The following SLC25A24 variants were observed in gnomAD, a reference collection of about 807,000 sequenced individuals.
SLC25A24 encodes mitochondrial adenyl nucleotide antiporter SLC25A24.
Under a neutral mutation model 60.7 loss-of-function variants are expected in SLC25A24, and 49 were observed. That is an observed-to-expected ratio of 0.81 (90% CI 0.64 to 1.02). The LOEUF is 1.02. Ranked by LOEUF, SLC25A24 falls within the 50% of genes least tolerant of loss-of-function variation. The probability of loss-of-function intolerance (pLI) is 0.00; values close to 1 mark genes in which losing one functional copy is unlikely to be tolerated. For synonymous variants in SLC25A24, 202 were observed against 200.6 expected (o/e 1.01, Z -0.06); for missense variants, 564 against 586.3 (o/e 0.96, Z 0.39).
chr1:108,199,989 G>A lies in SLC25A24; in HGVS notation c.150C>T (p.Asn50=). Residue 50 remains asparagine, a synonymous_variant, in exon 1 of 10, where the codon AAC becomes AAT. Transcript: ENST00000565488. ...DIGELQEGLR[N]LGIPLGQDAE... Reference sequence around the variant, plus strand: ...CGTCCTGGCCCAGAGGGATGCCCAGGTTCCTGAGCCCCTCCTGCAGCTCGC... The same window carrying A: ...CGTCCTGGCCCAGAGGGATGCCCAGATTCCTGAGCCCCTCCTGCAGCTCGC... 3 of 1,611,078 alleles carry A rather than the reference G, an allele frequency of 1.9e-6. No individual in the cohort carries two copies. The highest frequency in any genetic ancestry group is 1.3e-5 in the African/African-American group (1 of 75,020).
chr1:108,139,457 C>T (rs74579777), intron 8 of SLC25A24, among the ~76,000 whole-genome samples: 3,106 of 152,248 alleles, frequency 0.02, 102 homozygotes, highest in African/African-American at 0.063. Context: ...GCGCAGCAAA[C>T]GCTGCAGGAT....
At chr1:108,153,153 A>C (rs1679801326) in intron 6 of SLC25A24, among the ~76,000 whole-genome samples, 1 of 152,180 alleles carries the variant, frequency 6.6e-6, no homozygotes, top group Non-Finnish European at 1.5e-5. Flanking sequence ...ATGGCAGCTG[A>C]AACCACAAGA....
intron 6 of SLC25A24, among the ~76,000 whole-genome samples, chr1:108,153,410 G>C (rs192395848): frequency 6.6e-6 from 1 of 152,216 alleles, no homozygotes; most frequent in East Asian, 1.9e-4. Flanking sequence ...TATTTACCCC[G>C]AAGTAATTTA....
At chr1:108,190,077 A>C (rs1396178592) in intron 1 of SLC25A24, among the ~76,000 whole-genome samples, 1 of 151,968 alleles carries the variant, frequency 6.6e-6, no homozygotes, top group Non-Finnish European at 1.5e-5. Context: ...GAAAAGTAAA[A>C]TCTACTTGGC....
intron 2 of SLC25A24, among the ~76,000 whole-genome samples, chr1:108,182,603 C>T (rs1327916235): frequency 6.6e-6 from 1 of 152,046 alleles, no homozygotes; most frequent in Non-Finnish European, 1.5e-5. Context: ...GAGGCTGAGG[C>T]GGGTGGTTCA....
chr1:108,180,353 A>T (rs1647871084), intron 3 of SLC25A24, among the ~76,000 whole-genome samples: 1 of 151,776 alleles, frequency 6.6e-6, no homozygotes, highest in African/African-American at 2.4e-5. Flanking sequence ...CAACAGAGCT[A>T]GACTCCATCT....
chr1:108,197,957 G>A (rs528837950), intron 1 of SLC25A24, among the ~76,000 whole-genome samples: 3 of 152,292 alleles, frequency 2.0e-5, no homozygotes, highest in Admixed American at 1.3e-4. Context: ...TCTCTCTCAT[G>A]AGACTGAATT....
Position 108,166,446 on chromosome 1 carries a change from T to A in SLC25A24, c.399-5153A>T, listed in dbSNP as rs540190911. On this transcript the variant is annotated intron_variant, in intron 3 of 9. Transcript: ENST00000565488. ...TCAGGTACACCAATCAGACATAGAT[T>A]TGGTCTTTTCACATAGTCCCATATT... Among the ~76,000 whole-genome samples the A allele has an allele frequency of 2.4e-3, 372 of 152,340 alleles. 3 individuals are homozygous for A. The highest frequency in any genetic ancestry group is 8.4e-3 in the African/African-American group (351 of 41,578).
At chr1:108,147,905 C>G (rs74112036) in intron 7 of SLC25A24, among the ~76,000 whole-genome samples, 1 of 152,112 alleles carries the variant, frequency 6.6e-6, no homozygotes. Context: ...CTCTCTCTCT[C>G]TCTCTCTGTT....
At chr1:108,187,069 C>T (rs1330279769) in intron 1 of SLC25A24, among the ~76,000 whole-genome samples, 4 of 117,196 alleles carry the variant, frequency 3.4e-5, no homozygotes, top group Non-Finnish European at 5.3e-5. Flanking sequence ...AAGAGTGAAA[C>T]TCTATCTCAA....
chr1:108,186,449 T>C (rs1434989499), intron 1 of SLC25A24, among the ~76,000 whole-genome samples: 4 of 152,000 alleles, frequency 2.6e-5, no homozygotes, highest in African/African-American at 9.7e-5. Flanking sequence ...TACTAGCTAC[T>C]TGGAGGCTGA....
At chr1:108,167,144 C>T (rs2101624834) in intron 3 of SLC25A24, among the ~76,000 whole-genome samples, 1 of 151,438 alleles carries the variant, frequency 6.6e-6, no homozygotes, top group East Asian at 1.9e-4. Context: ...GGCAGTCTGC[C>T]CGTTCTCAGA....
At chr1:108,150,790 C>A (rs902061495) in intron 6 of SLC25A24, among the ~76,000 whole-genome samples, 1 of 151,792 alleles carries the variant, frequency 6.6e-6, no homozygotes, top group Non-Finnish European at 1.5e-5. Context: ...TTTCCCTACA[C>A]ACAAACTCCC....
At chr1:108,174,030 G>T (rs904241253) in intron 3 of SLC25A24, among the ~76,000 whole-genome samples, 4 of 152,234 alleles carry the variant, frequency 2.6e-5, no homozygotes, top group Non-Finnish European at 4.4e-5. Flanking sequence ...GCACCCTGAT[G>T]ATGTGACAGA....
At chr1:108,144,506 G>C (rs1357061478) in intron 7 of SLC25A24, among the ~76,000 whole-genome samples, 1 of 152,080 alleles carries the variant, frequency 6.6e-6, no homozygotes, top group Admixed American at 6.5e-5. Context: ...AGGTATACAC[G>C]TGCCATGGTG....
chr1:108,148,287 G>A lies in SLC25A24; in HGVS notation c.922C>T (p.Pro308Ser). 6.3e-7 allele frequency: 1 copy of A among 1,584,876 alleles called. No homozygotes were observed. ...TTGACAATGGTACTCACCTCCATTG[G>A]ATATATAAAAGTCTGTGCAGTTGCT... ...AGATAQTFIYPMEVMKTRLAV... is the reference protein window; with the variant it reads ...AGATAQTFIYSMEVMKTRLAV... The change falls in exon 7 of 10, where the codon CCA becomes TCA. Residue 308 changes from proline (P) to serine (S), a missense_variant. Pro to Ser is a moderately conservative substitution (Grantham distance 74, BLOSUM62 -1). Coordinates refer to ENST00000565488, the MANE Select transcript of SLC25A24 (RefSeq NM_013386.5).
chr1:108,194,909 C>T (rs1299666052), intron 1 of SLC25A24, among the ~76,000 whole-genome samples: 3 of 152,170 alleles, frequency 2.0e-5, no homozygotes, highest in South Asian at 2.1e-4. Context: ...GTCTAGCAAG[C>T]GGTGAAAACA....
chr1:108,165,598 A>C (rs1680226950), intron 3 of SLC25A24, among the ~76,000 whole-genome samples: 1 of 152,086 alleles, frequency 6.6e-6, no homozygotes, highest in Non-Finnish European at 1.5e-5. Context: ...CTGTTTTATC[A>C]GAGACTAGGA....
intron 3 of SLC25A24, among the ~76,000 whole-genome samples, chr1:108,165,623 T>A (rs1350468632): frequency 6.6e-6 from 1 of 152,152 alleles, no homozygotes; most frequent in Non-Finnish European, 1.5e-5. Context: ...AACCCCTGTC[T>A]TTTTTTGTTT....
Sources: allele counts gnomAD v4.1 joint callset (sites outside exome capture counted in the v4.1 genomes callset), GRCh38; gene constraint gnomAD v4.1.1; transcripts MANE v1.5; gene names NCBI Gene and HGNC (gene_info 2026-07-23, HGNC 2026-07-21).